The following GLIS3 variants were observed in gnomAD, a reference collection of about 807,000 sequenced individuals.
GLIS3 encodes the protein zinc finger protein GLIS3.
Under a neutral mutation model 78.6 loss-of-function variants are expected in GLIS3, and 53 were observed. The ratio of observed to expected loss-of-function variants is 0.67; its 90% CI spans 0.54 to 0.85. GLIS3 has a LOEUF of 0.85. Ranked by LOEUF, GLIS3 falls within the 40% of genes least tolerant of loss-of-function variation. The pLI is 0.00. For missense variants in GLIS3, 1,703 were observed against 1,231.1 expected (o/e 1.38, Z -5.74); for synonymous variants, 684 against 509.9 (o/e 1.34, Z -4.60).
chr9:3,943,353 C>T (rs547679354), intron 4 of GLIS3, among the ~76,000 whole-genome samples: 1 of 152,214 alleles, frequency 6.6e-6, no homozygotes, highest in Non-Finnish European at 1.5e-5. Context: ...GGACTAATAA[C>T]TCCACAATGG....
rs540179535 is a variant in GLIS3, at chr9:4,117,176, A to G, written c.1710+592T>C. Among the ~76,000 whole-genome samples, 4 of 152,238 alleles carry G rather than the reference A, an allele frequency of 2.6e-5. No homozygotes were observed. In the South Asian group the frequency reaches 8.3e-4, roughly 32 times the overall value. On this transcript the variant is annotated intron_variant, in intron 4 of 10. Transcript: ENST00000381971. ...TTAAAATTAGTTAGGATCCTGTGAG[A>G]TTCTGCTCCTGTGTATCCCCTGGGT...
At chr9:4,231,519 A>G (rs902110381) in intron 2 of GLIS3, among the ~76,000 whole-genome samples, 3 of 152,228 alleles carry the variant, frequency 2.0e-5, no homozygotes, top group Non-Finnish European at 2.9e-5. Context: ...AAGTCCTTAG[A>G]TAGAAAGCAT....
the GLIS3 span, among the ~76,000 whole-genome samples, chr9:4,450,994 A>T: frequency 6.6e-6 from 1 of 152,236 alleles, no homozygotes; most frequent in Non-Finnish European, 1.5e-5. Context: ...AATTCACAAT[A>T]ACAATACTAA....
At chr9:4,029,833 C>G (rs956276024) in intron 4 of GLIS3, among the ~76,000 whole-genome samples, 2 of 152,096 alleles carry the variant, frequency 1.3e-5, no homozygotes, top group African/African-American at 4.8e-5. Context: ...ATTTTTTAAT[C>G]CATTCATCCG....
In GLIS3 at chr9:4,125,891, T is replaced by C. The variant is rs1289134466; in HGVS notation, c.439A>G (p.Asn147Asp). 1 of 1,613,904 alleles carries C rather than the reference T, an allele frequency of 6.2e-7. No homozygotes were observed. Among genetic ancestry groups the C allele is most frequent in the Non-Finnish European group, 8.5e-7 (1 of 1,179,970 alleles). Residue 147 changes from asparagine to aspartate, a missense_variant, in exon 3 of 11, where the codon AAC (asparagine) becomes GAC (aspartate). Transcript: ENST00000381971. ...QCKSIGKGSC[N>D]NLVVTSSPMM... ...GGACTGCTGGTGACCACTAGATTGT[T>C]GCAGCTGCCTTTTCCAATGGACTTG...
At chr9:4,446,285 C>T in the GLIS3 span, among the ~76,000 whole-genome samples, 1 of 152,074 alleles carries the variant, frequency 6.6e-6, no homozygotes, top group South Asian at 2.1e-4. Context: ...GAAGGGGGTA[C>T]CCTTGACTGC....
chr9:4,319,714 G>A (rs772993894), intron 2 of GLIS3, among the ~76,000 whole-genome samples: 1 of 152,092 alleles, frequency 6.6e-6, no homozygotes, highest in African/African-American at 2.4e-5. Context: ...TTGGGAGGTA[G>A]AGACAGGGTC....
chr9:4,254,026 G>A (rs1024840522), intron 2 of GLIS3, among the ~76,000 whole-genome samples: 1 of 152,208 alleles, frequency 6.6e-6, no homozygotes, highest in African/African-American at 2.4e-5. Flanking sequence ...GGGAGCTGCA[G>A]ACCTGAGTTG....
At chr9:4,311,667 CT>C (rs1817361874) in intron 2 of GLIS3, among the ~76,000 whole-genome samples, 1 of 152,106 alleles carries the variant, frequency 6.6e-6, no homozygotes, top group African/African-American at 2.4e-5. Flanking sequence ...CCTGACCCTC[CT>C]GCATCGGCCT....
chr9:4,217,344 A>C (rs1820945076), intron 2 of GLIS3, among the ~76,000 whole-genome samples: 1 of 152,218 alleles, frequency 6.6e-6, no homozygotes, highest in Admixed American at 6.5e-5. Flanking sequence ...AAAATTTTAA[A>C]AACTTGTTTA....
intron 2 of GLIS3, among the ~76,000 whole-genome samples, chr9:4,188,315 T>C (rs1477043527): frequency 1.3e-5 from 2 of 149,494 alleles, no homozygotes; most frequent in African/African-American, 2.5e-5. Flanking sequence ...TTTGTGTATA[T>C]TGAACCAGCC....
intron 6 of GLIS3, among the ~76,000 whole-genome samples, chr9:3,916,413 TC>T (rs1279811511): frequency 6.6e-6 from 1 of 152,148 alleles, no homozygotes; most frequent in Non-Finnish European, 1.5e-5. Context: ...AACCGGGGTG[TC>T]CCCCTGCGCC....
At chr9:4,119,971 G>A (rs1374432286) in intron 3 of GLIS3, among the ~76,000 whole-genome samples, 1 of 152,230 alleles carries the variant, frequency 6.6e-6, no homozygotes, top group Non-Finnish European at 1.5e-5. Flanking sequence ...ATAACACGCT[G>A]TATTTCTTGA....
chr9:4,359,759 T>C, the GLIS3 span, among the ~76,000 whole-genome samples: 19 of 152,180 alleles, frequency 1.2e-4, no homozygotes, highest in Non-Finnish European at 2.4e-4. Flanking sequence ...TCAAGAATTA[T>C]TGAACTGAGA....
intron 2 of GLIS3, among the ~76,000 whole-genome samples, chr9:4,328,681 C>G (rs1003375391): frequency 1.3e-5 from 2 of 152,232 alleles, no homozygotes; most frequent in Admixed American, 6.5e-5. Flanking sequence ...CTCTGCCTCT[C>G]TATAGCTTGT....
intron 4 of GLIS3, among the ~76,000 whole-genome samples, chr9:4,057,526 G>C (rs541096647): frequency 1.3e-5 from 2 of 152,074 alleles, no homozygotes; most frequent in East Asian, 1.9e-4. Context: ...GAAAAAGCTT[G>C]AGTTCAGCAG....
chr9:4,037,241 C>A (rs1824392270), intron 4 of GLIS3, among the ~76,000 whole-genome samples: 1 of 152,122 alleles, frequency 6.6e-6, no homozygotes, highest in Admixed American at 6.6e-5. Flanking sequence ...CATCGTAGCA[C>A]AGGAGCCTAG....
At chr9:4,459,763 C>T in the GLIS3 span, among the ~76,000 whole-genome samples, 1 of 152,086 alleles carries the variant, frequency 6.6e-6, no homozygotes, top group Non-Finnish European at 1.5e-5. Flanking sequence ...CAGCCATGTT[C>T]ACACCACTGC....
At chr9:4,163,275 C>T (rs115155582) in intron 2 of GLIS3, among the ~76,000 whole-genome samples, 12 of 152,338 alleles carry the variant, frequency 7.9e-5, no homozygotes, top group South Asian at 6.2e-4. Context: ...CACACGCGCA[C>T]GCGCGCACAC....
Sources: allele counts gnomAD v4.1 joint callset (sites outside exome capture counted in the v4.1 genomes callset), GRCh38; gene constraint gnomAD v4.1.1; transcripts MANE v1.5; gene names NCBI Gene and HGNC (gene_info 2026-07-23, HGNC 2026-07-21).